NEURL1B: variants seen among roughly 807,000 people sequenced by gnomAD.
The protein encoded by NEURL1B is E3 ubiquitin-protein ligase NEURL1B.
A neutral mutation model predicts 37.4 loss-of-function variants in NEURL1B; 13 were observed. The observed-to-expected ratio is 0.35, with a 90% confidence interval of 0.23 to 0.55. The LOEUF is 0.55. Ranked by LOEUF, NEURL1B falls within the 20% of genes least tolerant of loss-of-function variation. NEURL1B has a pLI of 0.89. For missense variants in NEURL1B, 790 were observed against 879.2 expected, an observed-to-expected ratio of 0.90 and a Z score of 1.28; for synonymous variants, 432 against 426.6, an observed-to-expected ratio of 1.01 and a Z score of -0.16.
At chr5:172,643,442 G>C (rs559626644) in intron 1 of NEURL1B, among the ~76,000 whole-genome samples, 1 of 152,226 alleles carries the variant, frequency 6.6e-6, no homozygotes, top group South Asian at 2.1e-4. Flanking sequence ...TCCAGTTGTC[G>C]TTACCTCCTC....
intron 1 of NEURL1B, among the ~76,000 whole-genome samples, chr5:172,660,566 G>A (rs1581426085): frequency 6.6e-6 from 1 of 152,244 alleles, no homozygotes; most frequent in East Asian, 1.9e-4. Flanking sequence ...AGTCCAGTAA[G>A]CTGGTGTCTG....
chr5:172,644,377 A>G (rs1757523466), intron 1 of NEURL1B, among the ~76,000 whole-genome samples: 1 of 152,200 alleles, frequency 6.6e-6, no homozygotes, highest in Admixed American at 6.5e-5. Flanking sequence ...AAAGTCCTGC[A>G]TTCTTATTCT....
intron 2 of NEURL1B, among the ~76,000 whole-genome samples, chr5:172,674,417 A>C (rs1238657335): frequency 6.6e-6 from 1 of 152,070 alleles, no homozygotes. Context: ...TGCCCTTTCT[A>C]GGTAAAGAAT....
intron 1 of NEURL1B, among the ~76,000 whole-genome samples, chr5:172,651,371 G>C (rs1757660277): frequency 1.3e-5 from 2 of 152,138 alleles, no homozygotes; most frequent in Admixed American, 1.3e-4. Flanking sequence ...CACCTATCAT[G>C]GCTGCGAGGG....
chr5:172,652,292 C>T (rs147443689), intron 1 of NEURL1B, among the ~76,000 whole-genome samples: 233 of 152,354 alleles, frequency 1.5e-3, no homozygotes, highest in African/African-American at 5.5e-3. Context: ...GCAGGCCACA[C>T]CTGGTCGACT....
In NEURL1B at chr5:172,647,512, C is replaced by A. The variant is rs997420973; in HGVS notation, c.31+6075C>A. ...GATCCCAGGCACGCTGGGCTCCACA[C>A]CCCTTCCCCTCCATCCCACGGGGCA... On this transcript the variant is annotated intron_variant, in intron 1 of 4. Transcript: ENST00000369800. The surrounding 1 kb of genome is among the most constrained non-coding windows in gnomAD (Gnocchi z 4.2). Among the ~76,000 whole-genome samples, 1 of 152,038 alleles carries A rather than the reference C, an allele frequency of 6.6e-6. No individual in the cohort carries two copies. The highest frequency in any genetic ancestry group is 1.5e-5 in the Non-Finnish European group (1 of 67,998).
chr5:172,686,450 A>G lies in NEURL1B; in HGVS notation c.1423+154A>G, dbSNP rs1758498674. 6.6e-6 allele frequency among the ~76,000 whole-genome samples: 1 copy of G among 152,178 alleles called. No individual in the cohort carries two copies. Among genetic ancestry groups the G allele is most frequent in the Non-Finnish European group, 1.5e-5 (1 of 68,038 alleles). ...TGTATGCTCAGCTGGAGGGAGGAGA[A>G]GTGTCTAGATAGGGCATTCCAAAGG... On this transcript the variant is annotated intron_variant, in intron 4 of 4. Coordinates refer to ENST00000369800, the MANE Select transcript of NEURL1B (RefSeq NM_001142651.3). The surrounding 1 kb of genome is among the most constrained non-coding windows in gnomAD (Gnocchi z 7.9).
chr5:172,641,666 A>C lies in NEURL1B; in HGVS notation c.31+229A>C, dbSNP rs1466716415. Among the ~76,000 whole-genome samples, 1 of 151,872 alleles carries C rather than the reference A, an allele frequency of 6.6e-6. No homozygotes were observed. The stretch of plus-strand genomic sequence containing the variant: ...GGTTACCTTGGGGACCCCAGTCCTC[A>C]TTCTCCCGGCTTTGGCCAGATGCGC... On this transcript the variant is annotated intron_variant, in intron 1 of 4. Coordinates refer to ENST00000369800, the MANE Select transcript of NEURL1B (RefSeq NM_001142651.3). The surrounding 1 kb of genome is among the most constrained non-coding windows in gnomAD (Gnocchi z 6.4).
rs147474603 is a variant in NEURL1B, at chr5:172,687,298, T to TGAGAGA, written c.*386_*391dup. On this transcript the variant is annotated 3_prime_UTR_variant, in exon 5 of 5. Coordinates refer to ENST00000369800, the MANE Select transcript of NEURL1B (RefSeq NM_001142651.3). ...AGGGAGAACAGAGAGAATGTGTGTGTGAGAGAGAGAGAGAGAGAATGAACG... is the reference window on the plus strand; with the variant it reads ...AGGGAGAACAGAGAGAATGTGTGTGTGAGAGAGAGAGAGAGAGAGAGAGAATGAACG... 1 of 190,762 alleles carries TGAGAGA rather than the reference T, an allele frequency of 5.2e-6. No individual in the cohort carries two copies. Among genetic ancestry groups the TGAGAGA allele is most frequent in the South Asian group, 1.5e-4 (1 of 6,790 alleles). The allele number at this position is 190,762 out of a possible 1,614,324, so 11.8% of individuals were successfully genotyped here.
rs1216296654 is a variant in NEURL1B, at chr5:172,661,888, G to A, written c.32-7897G>A. On this transcript the variant is annotated intron_variant, in intron 1 of 4. Coordinates refer to ENST00000369800, the MANE Select transcript of NEURL1B (RefSeq NM_001142651.3). This position sits in a 1 kb window ranked among gnomAD's most constrained non-coding sequence, Gnocchi z 4.0. ...GACCATTCAGGGGATGGCACAAGGC[G>A]CATTTAGGACGCCTGCTGGCATAGT... 6.6e-6 allele frequency among the ~76,000 whole-genome samples: 1 copy of A among 152,244 alleles called. No homozygotes were observed. The highest frequency in any genetic ancestry group is 6.5e-5 in the Admixed American group (1 of 15,282).
chr5:172,661,212 G>A lies in NEURL1B; in HGVS notation c.32-8573G>A, dbSNP rs190886680. 1.3e-3 allele frequency among the ~76,000 whole-genome samples: 199 copies of A among 152,306 alleles called. No individual in the cohort carries two copies. Among genetic ancestry groups the A allele is most frequent in the Non-Finnish European group, 1.8e-3 (120 of 68,034 alleles). ...CACTCAAGGTCTACAGTCCAAGGAC[G>A]CATGTTATAAAGGTCCAGGTCCAGG... On this transcript the variant is annotated intron_variant, in intron 1 of 4. Coordinates refer to ENST00000369800, the MANE Select transcript of NEURL1B (RefSeq NM_001142651.3). The surrounding 1 kb of genome is among the most constrained non-coding windows in gnomAD (Gnocchi z 4.0).
intron 2 of NEURL1B, among the ~76,000 whole-genome samples, chr5:172,671,219 C>T (rs986108332): frequency 6.6e-6 from 1 of 152,174 alleles, no homozygotes; most frequent in African/African-American, 2.4e-5. Flanking sequence ...GCCCCGGCAA[C>T]CACTCATCTG....
At chr5:172,662,383 A>C (rs1177816123) in intron 1 of NEURL1B, 2 of 153,262 alleles carry the variant, frequency 1.3e-5, no homozygotes, top group Admixed American at 1.3e-4. Flanking sequence ...ACCACCTCTC[A>C]AACTGTGATG....
Position 172,680,415 on chromosome 5 carries a change from T to G in NEURL1B, c.578-3004T>G, listed in dbSNP as rs535165083. Among the ~76,000 whole-genome samples the G allele has an allele frequency of 2.0e-5, 3 of 148,298 alleles. No individual in the cohort carries two copies. The East Asian group carries it at 5.9e-4, about 29-fold the overall frequency. On this transcript the variant is annotated intron_variant, in intron 2 of 4. Coordinates refer to ENST00000369800, the MANE Select transcript of NEURL1B (RefSeq NM_001142651.3). Reference sequence around the variant, plus strand: ...CCGCTGGGGGACAAGAGGAGGAGAGTTGGCGGGGGGGAAGGAGCAGGGCAA... The same window carrying G: ...CCGCTGGGGGACAAGAGGAGGAGAGGTGGCGGGGGGGAAGGAGCAGGGCAA...
At chr5:172,672,050 G>T (rs1051076111) in intron 2 of NEURL1B, among the ~76,000 whole-genome samples, 4 of 152,210 alleles carry the variant, frequency 2.6e-5, no homozygotes, top group African/African-American at 9.6e-5. Flanking sequence ...TGTTGATAAG[G>T]TTACATGAGA....
rs1446039667 is a variant in NEURL1B, at chr5:172,657,333, G to T, written c.32-12452G>T. ...CTAATCAGGGCTCCTGTGGGTGGAG[G>T]ATTACCCAGGTGCCGAGGCAAGAGA... On this transcript the variant is annotated intron_variant, in intron 1 of 4. Coordinates refer to ENST00000369800, the MANE Select transcript of NEURL1B (RefSeq NM_001142651.3). This position sits in a 1 kb window ranked among gnomAD's most constrained non-coding sequence, Gnocchi z 4.0. 1.3e-5 allele frequency among the ~76,000 whole-genome samples: 2 copies of T among 152,144 alleles called. No homozygotes were observed. The highest frequency in any genetic ancestry group is 3.9e-4 in the East Asian group (2 of 5,192).
At chr5:172,671,453 C>A (rs1236543140) in intron 2 of NEURL1B, among the ~76,000 whole-genome samples, 1 of 152,206 alleles carries the variant, frequency 6.6e-6, no homozygotes, top group Non-Finnish European at 1.5e-5. Context: ...GGTGATCCTT[C>A]TGAGTCAAGC....
chr5:172,679,173 G>A (rs771438142), intron 2 of NEURL1B, among the ~76,000 whole-genome samples: 11 of 152,268 alleles, frequency 7.2e-5, no homozygotes, highest in Non-Finnish European at 1.3e-4. Flanking sequence ...TTGGGAGGCA[G>A]TATTGCTAGC....
At chr5:172,677,112 G>A (rs1017618135) in intron 2 of NEURL1B, among the ~76,000 whole-genome samples, 2 of 152,052 alleles carry the variant, frequency 1.3e-5, no homozygotes, top group African/African-American at 2.4e-5. Context: ...AGCACACCTT[G>A]GGCCGGGAGG....
Sources: gnomAD v4.1 joint callset for allele counts (sites outside exome capture counted in the v4.1 genomes callset) on GRCh38, gnomAD v4.1.1 for gene constraint, Gnocchi (gnomAD v3.1) non-coding constraint, MANE v1.5 for transcripts, NCBI Gene and HGNC (gene_info 2026-07-23, HGNC 2026-07-21) for gene names.